LRP6: variants seen among roughly 807,000 people sequenced by gnomAD.
LRP6 encodes LDL receptor related protein 6.
LRP6 carries 43 observed loss-of-function variants against 184.1 expected under a neutral mutation model. The ratio of observed to expected loss-of-function variants is 0.23; its 90% CI spans 0.18 to 0.30. The LOEUF is 0.30. Among genes scored for constraint, LRP6 ranks in the 10% least tolerant of loss-of-function variants. The pLI is 1.00. For synonymous variants in LRP6, 719 were observed against 684.9 expected (o/e 1.05, Z -0.78); for missense variants, 1,571 against 2,005.3 (o/e 0.78, Z 4.14).
intron 15 of LRP6, among the ~76,000 whole-genome samples, chr12:12,143,779 A>C (rs1265819328): frequency 3.3e-5 from 5 of 152,248 alleles, no homozygotes; most frequent in African/African-American, 1.2e-4. Flanking sequence ...AATTTCAGGG[A>C]AAAAACTAAA....
intron 1 of LRP6, among the ~76,000 whole-genome samples, chr12:12,260,993 A>C (rs1265641494): frequency 6.6e-6 from 1 of 152,238 alleles, no homozygotes; most frequent in Non-Finnish European, 1.5e-5. Context: ...TTTTCCATTA[A>C]TATATCCCTT....
At chr12:12,147,224 C>T (rs1591885189) in intron 15 of LRP6, 142 bp downstream of exon 15, 1 of 865,428 alleles carries the variant, frequency 1.2e-6, no homozygotes, top group East Asian at 2.6e-5. Flanking sequence ...AAAAGCTCTT[C>T]ACCAACCAAC....
rs547900602 is a variant in LRP6, at chr12:12,154,152, T to C, written c.2792-3114A>G. On this transcript the variant is annotated intron_variant, in intron 12 of 22. Coordinates refer to ENST00000261349, the MANE Select transcript of LRP6 (RefSeq NM_002336.3). ...CATTTCCTCTCTGATCTAATTTCTT[T>C]ATTCACTTCATTCCAGCAACACTAG... 2.0e-5 allele frequency among the ~76,000 whole-genome samples: 3 copies of C among 152,354 alleles called. No homozygotes were observed. In the East Asian group the frequency reaches 5.8e-4, roughly 29 times the overall value.
At chr12:12,167,641 C>CAAA (rs375921278) in intron 7 of LRP6, among the ~76,000 whole-genome samples, 17 of 118,940 alleles carry the variant, frequency 1.4e-4, no homozygotes, top group Non-Finnish European at 2.0e-4. Context: ...GACTCTGTCT[C>CAAA]AAAAAAAAAA....
At chr12:12,152,104 A>T (rs1044127877) in intron 12 of LRP6, among the ~76,000 whole-genome samples, 3 of 152,222 alleles carry the variant, frequency 2.0e-5, no homozygotes, top group African/African-American at 7.2e-5. Context: ...TAATTGAATC[A>T]TGGGGGCCGG....
intron 2 of LRP6, among the ~76,000 whole-genome samples, chr12:12,231,551 T>A (rs1415367974): frequency 1.3e-5 from 2 of 152,010 alleles, no homozygotes; most frequent in Non-Finnish European, 2.9e-5. Context: ...AAAAATTAAA[T>A]ATAAAAAATG....
intron 1 of LRP6, among the ~76,000 whole-genome samples, chr12:12,265,411 C>CA (rs202004202): frequency 1.3e-4 from 20 of 150,968 alleles, no homozygotes; most frequent in African/African-American, 3.9e-4. Context: ...TCTCCTCCTC[C>CA]AAAAAAAAAC....
In LRP6 at chr12:12,212,146, C is replaced by T. The variant is rs527855608; in HGVS notation, c.450-8746G>A. Reference sequence around the variant, plus strand: ...TTTTCACCACTCTAGATTCCAGGTCCTTGAAAACAAGGACTTTGTTTTATT... The same window carrying T: ...TTTTCACCACTCTAGATTCCAGGTCTTTGAAAACAAGGACTTTGTTTTATT... On this transcript the variant is annotated intron_variant, in intron 2 of 22. Coordinates refer to ENST00000261349, the MANE Select transcript of LRP6 (RefSeq NM_002336.3). Among the ~76,000 whole-genome samples the T allele has an allele frequency of 1.2e-3, 186 of 152,212 alleles. 1 individual carries two copies. The highest frequency in any genetic ancestry group is 1.3e-3 in the Non-Finnish European group (85 of 67,998).
intron 1 of LRP6, among the ~76,000 whole-genome samples, chr12:12,263,223 C>A (rs1865665332): frequency 1.3e-5 from 2 of 149,210 alleles, no homozygotes; most frequent in African/African-American, 2.5e-5. Context: ...CGAGATCATG[C>A]CATTGCACTC....
intron 4 of LRP6, among the ~76,000 whole-genome samples, chr12:12,184,371 TA>T (rs1236033400): frequency 2.1e-5 from 2 of 95,272 alleles, no homozygotes; most frequent in Non-Finnish European, 4.8e-5. Context: ...TAAACAAAAT[TA>T]ACAAAAAGCA....
intron 10 of LRP6, among the ~76,000 whole-genome samples, chr12:12,161,952 T>TTGA (rs1862751587): frequency 6.6e-6 from 1 of 152,004 alleles, no homozygotes; most frequent in Non-Finnish European, 1.5e-5. Flanking sequence ...ATCAGTAACA[T>TTGA]TTATTAACCC....
rs1039570883 is a variant in LRP6 at position 12,117,806 on chromosome 12, T to C, written c.*3320A>G. The C allele has an allele frequency of 6.6e-6, 1 of 152,214 alleles. No homozygotes were observed. The highest frequency in any genetic ancestry group is 1.5e-5 in the Non-Finnish European group (1 of 68,026). The allele number at this position is 152,214 out of a possible 1,614,324, so 9.4% of individuals were successfully genotyped here. A position where few individuals can be genotyped will look rare whatever the true frequency, so the allele number is the denominator to read the frequency against. On this transcript the variant is annotated 3_prime_UTR_variant, in exon 23 of 23. Transcript: ENST00000261349. ...TGCTACCTAATACAGATGATGGCTA[T>C]TTTTAATACCTTCAATAATGAATGA...
At chr12:12,155,194 TCAAA>T (rs200217851) in intron 12 of LRP6, 575 of 577,118 alleles carry the variant, frequency 1.0e-3, no homozygotes, top group African/African-American at 6.6e-3. Flanking sequence ...AGACTCTGTC[TCAAA>T]CAAACAAACA....
intron 14 of LRP6, 40 bp downstream of exon 14, chr12:12,148,902 T>C: frequency 6.8e-7 from 1 of 1,469,246 alleles, no homozygotes; most frequent in Non-Finnish European, 9.5e-7. Context: ...GAGGAGAGTC[T>C]CAGAAGCCAC....
At chr12:12,134,285 G>A (rs1016168111) in intron 17 of LRP6, among the ~76,000 whole-genome samples, 2 of 151,936 alleles carry the variant, frequency 1.3e-5, no homozygotes, top group African/African-American at 4.8e-5. Flanking sequence ...TTTAATAGCT[G>A]TATAAACTCA....
chr12:12,164,603 C>T (rs750089250), intron 8 of LRP6, 41 bp from the exon 9 acceptor site: 1 of 1,569,178 alleles, frequency 6.4e-7, no homozygotes, highest in Non-Finnish European at 8.8e-7. Flanking sequence ...AGGACACACA[C>T]ATTGATACAT....
chr12:12,246,584 G>T (rs1229437040), intron 1 of LRP6, among the ~76,000 whole-genome samples: 1 of 151,488 alleles, frequency 6.6e-6, no homozygotes, highest in Non-Finnish European at 1.5e-5. Context: ...GTAGTCCTAG[G>T]TACTCAGGAG....
At position 12,132,133 on chromosome 12, in the gene LRP6, T is replaced by C. The variant is rs535735095; in HGVS notation, c.3734-76A>G. Reference sequence around the variant, plus strand: ...ACAGAAGTACAAACACATACCTGAGTGAAGCTCATTTAATAATTAACATAC... The same window carrying C: ...ACAGAAGTACAAACACATACCTGAGCGAAGCTCATTTAATAATTAACATAC... On this transcript the variant is annotated intron_variant, in intron 17 of 22. Transcript: ENST00000261349. 261 of 876,630 alleles carry C rather than the reference T, an allele frequency of 3.0e-4. 1 individual carries two copies. The African/African-American group carries it at 4.0e-3, about 13-fold the overall frequency. 54.3% of individuals were successfully genotyped at this position (876,630 alleles called of 1,614,324 possible). A position where few individuals can be genotyped will look rare whatever the true frequency, so the allele number is the denominator to read the frequency against.
chr12:12,210,829 T>C (rs1305739158), intron 2 of LRP6: 2 of 152,176 alleles, frequency 1.3e-5, no homozygotes, highest in Non-Finnish European at 2.9e-5. Flanking sequence ...TTGTGTAAAA[T>C]TCACACCCTT....
Sources: allele counts gnomAD v4.1 joint callset (sites outside exome capture counted in the v4.1 genomes callset), GRCh38; gene constraint gnomAD v4.1.1; transcripts MANE v1.5; gene names NCBI Gene and HGNC (gene_info 2026-07-23, HGNC 2026-07-21).